Variants in EPB41L4A observed in about 807,000 individuals in gnomAD.
EPB41L4A encodes the protein erythrocyte membrane protein band 4.1 like 4A.
EPB41L4A carries 100 observed loss-of-function variants against 108.6 expected under a neutral mutation model. The ratio of observed to expected loss-of-function variants is 0.92; its 90% CI spans 0.78 to 1.09. EPB41L4A has a LOEUF of 1.09. EPB41L4A is among the 50% of genes least tolerant of loss of function. The pLI, the probability that EPB41L4A is intolerant of heterozygous loss-of-function variation, is 0.00. For synonymous variants in EPB41L4A, 319 were observed against 289.0 expected, an observed-to-expected ratio of 1.10 and a Z score of -1.05; for missense variants, 1,030 against 842.7, an observed-to-expected ratio of 1.22 and a Z score of -2.75.
downstream of EPB41L4A, among the ~76,000 whole-genome samples, chr5:112,159,900 AC>A (rs1759788595): frequency 7.3e-6 from 1 of 137,178 alleles, no homozygotes. Context: ...GTTTCTTTTT[AC>A]TTTTTTTTTT....
chr5:112,373,744 A>G (rs1214389181), intron 1 of EPB41L4A, among the ~76,000 whole-genome samples: 1 of 152,210 alleles, frequency 6.6e-6, no homozygotes, highest in Non-Finnish European at 1.5e-5. Flanking sequence ...GTCCAGCTTC[A>G]AAGTCAGGTG....
chr5:112,266,273 G>C lies in EPB41L4A; in HGVS notation c.393C>G (p.Pro131=), dbSNP rs747642945. The change falls in exon 5 of 23, where the codon CCC becomes CCG. Residue 131 remains proline, a synonymous_variant. Coordinates refer to ENST00000261486, the MANE Select transcript of EPB41L4A (RefSeq NM_022140.5). ...QDVLQGRLPC[P]VNTAAQLGAY... ...CTCCCAGCTGAGCAGCAGTGTTGAC[G>C]GGACAGGGCAGACGGCCCTGAAGGA... 3.1e-6 allele frequency: 5 copies of C among 1,611,048 alleles called. No individual in the cohort carries two copies. The highest frequency in any genetic ancestry group is 4.2e-6 in the Non-Finnish European group (5 of 1,178,900).
At chr5:112,154,233 TTCACCTGAC>T (rs1322442377) in intron 12 of EPB41L4A, among the ~76,000 whole-genome samples, 1 of 152,206 alleles carries the variant, frequency 6.6e-6, no homozygotes, top group African/African-American at 2.4e-5. Flanking sequence ...TATCCTCCAG[TTCACCTGAC>T]TCATAGTAAG....
At chr5:112,222,147 C>CT (rs1748105588) in intron 12 of EPB41L4A, among the ~76,000 whole-genome samples, 1 of 152,194 alleles carries the variant, frequency 6.6e-6, no homozygotes, top group Non-Finnish European at 1.5e-5. Context: ...TAGGCTGACT[C>CT]TGACTATAAA....
chr5:112,181,276 C>T (rs538442523), intron 18 of EPB41L4A, among the ~76,000 whole-genome samples: 1 of 151,508 alleles, frequency 6.6e-6, no homozygotes, highest in African/African-American at 2.4e-5. Context: ...ACGGTGAAAC[C>T]CCGTCTCTAC....
chr5:112,284,764 T>G (rs1753175762), intron 2 of EPB41L4A, among the ~76,000 whole-genome samples: 1 of 152,174 alleles, frequency 6.6e-6, no homozygotes. Flanking sequence ...GTAAAGCAGT[T>G]AGACAGCCTT....
Position 112,262,586 on chromosome 5 carries a change from A to G in EPB41L4A, c.555-5T>C. The G allele has an allele frequency of 6.2e-7, 1 of 1,612,838 alleles. No individual in the cohort carries two copies. Reference sequence around the variant, plus strand: ...GCCTCAGAAGGAATCTGACCCCTACACCCAGCACAAAAACAAAGAGCCTTA... The same window carrying G: ...GCCTCAGAAGGAATCTGACCCCTACGCCCAGCACAAAAACAAAGAGCCTTA... On this transcript the variant is annotated splice_polypyrimidine_tract_variant and splice_region_variant and intron_variant, in intron 6 of 22. Coordinates refer to ENST00000261486, the MANE Select transcript of EPB41L4A (RefSeq NM_022140.5).
chr5:112,283,550 A>T (rs1753092698), intron 2 of EPB41L4A, among the ~76,000 whole-genome samples: 1 of 152,216 alleles, frequency 6.6e-6, no homozygotes, highest in South Asian at 2.1e-4. Context: ...GGCACAAAAA[A>T]TTGCCAATGA....
chr5:112,383,746 G>A (rs1165136518), intron 1 of EPB41L4A, among the ~76,000 whole-genome samples: 1 of 151,798 alleles, frequency 6.6e-6, no homozygotes, highest in African/African-American at 2.4e-5. Context: ...AATGGGGGTG[G>A]GGGAAAAGCT....
At chr5:112,283,216 T>G (rs142847689) in intron 2 of EPB41L4A, among the ~76,000 whole-genome samples, 2 of 152,316 alleles carry the variant, frequency 1.3e-5, no homozygotes, top group East Asian at 1.9e-4. Flanking sequence ...CACTGCACAT[T>G]TGCTATGCTA....
chr5:112,233,749 C>T (rs1749127871), intron 12 of EPB41L4A, among the ~76,000 whole-genome samples: 2 of 152,006 alleles, frequency 1.3e-5, no homozygotes, highest in South Asian at 4.2e-4. Context: ...TTTCAAGACT[C>T]TTGCTAAGAG....
intron 3 of EPB41L4A, among the ~76,000 whole-genome samples, chr5:112,279,649 G>A (rs10478077): frequency 0.64 from 96,649 of 151,838 alleles, 31,754 homozygotes; most frequent in South Asian, 0.8. Context: ...TATTTTTTGC[G>A]CACTTAAGGA....
Position 112,314,526 on chromosome 5 carries a change from A to G in EPB41L4A, c.100-7036T>C, listed in dbSNP as rs961761037. On this transcript the variant is annotated intron_variant, in intron 1 of 22. Transcript: ENST00000261486. ...CTACTAAAAAAAAAAAAAAAAAAAAAAAAAAAAAAAAAGAAAAGAAATTAG... is the reference window on the plus strand; with the variant it reads ...CTACTAAAAAAAAAAAAAAAAAAAAGAAAAAAAAAAAAGAAAAGAAATTAG... Among the ~76,000 whole-genome samples, 9 of 132,766 alleles carry G rather than the reference A, an allele frequency of 6.8e-5. No individual in the cohort carries two copies. The East Asian group carries it at 9.9e-4, about 15-fold the overall frequency. 87.1% of individuals were successfully genotyped at this position (132,766 alleles called of 152,430 possible).
chr5:112,253,213 T>A (rs999670182), intron 9 of EPB41L4A, among the ~76,000 whole-genome samples: 2 of 152,160 alleles, frequency 1.3e-5, no homozygotes, highest in Non-Finnish European at 2.9e-5. Flanking sequence ...TGATCAAACT[T>A]GACAGCCAAC....
chr5:112,377,912 G>A (rs1322429322), intron 1 of EPB41L4A, among the ~76,000 whole-genome samples: 1 of 151,698 alleles, frequency 6.6e-6, no homozygotes, highest in African/African-American at 2.4e-5. Context: ...TTCTCAGGGG[G>A]AACAAAAAAG....
At chr5:112,373,221 A>C (rs1021013301) in intron 1 of EPB41L4A, among the ~76,000 whole-genome samples, 1 of 152,172 alleles carries the variant, frequency 6.6e-6, no homozygotes, top group Admixed American at 6.5e-5. Context: ...AGCCTTATGA[A>C]GGTCACCAAC....
rs201980333 is a variant in EPB41L4A, at chr5:112,204,427, G to A, written c.1324C>T (p.Arg442Ter). ...KSPKFPYTRR[R>*]NPSCGSDNDS... ...TTGTCACTTCCACAGGAGGGGTTTC[G>A]GCGACGCGTGTAAGGGAACTTTGGC... The change falls in exon 15 of 23, where the codon CGA becomes TGA. Residue 442 changes from arginine to a stop codon, truncating the protein, a stop_gained. Transcript: ENST00000261486. LOFTEE classifies it high-confidence loss of function. 1.9e-5 allele frequency: 30 copies of A among 1,613,808 alleles called. No homozygotes were observed. Among genetic ancestry groups the A allele is most frequent in the Non-Finnish European group, 2.5e-5 (29 of 1,179,916 alleles).
At chr5:112,279,402 A>C (rs2140624) in intron 3 of EPB41L4A, among the ~76,000 whole-genome samples, 3,959 of 152,254 alleles carry the variant, frequency 0.026, 170 homozygotes, top group African/African-American at 0.091. Context: ...ATGCCAGAAG[A>C]ATCCACTCCG....
intron 1 of EPB41L4A, among the ~76,000 whole-genome samples, chr5:112,393,686 T>A (rs943688128): frequency 6.6e-6 from 1 of 152,172 alleles, no homozygotes; most frequent in African/African-American, 2.4e-5. Flanking sequence ...TACCATTCCT[T>A]CTGAAACTAT....
Sources: gnomAD v4.1 joint callset for allele counts (sites outside exome capture counted in the v4.1 genomes callset) on GRCh38, gnomAD v4.1.1 for gene constraint, MANE v1.5 for transcripts, NCBI Gene and HGNC (gene_info 2026-07-23, HGNC 2026-07-21) for gene names.